Variants in NCOA2 observed in about 807,000 individuals in gnomAD.
The protein encoded by NCOA2 is nuclear receptor coactivator 2.
In NCOA2, 21 loss-of-function variants were observed where a neutral mutation model predicts 145.1. The observed-to-expected ratio is 0.14, with a 90% CI of 0.10 to 0.21. The LOEUF is 0.21. NCOA2 is among the 10% of genes least tolerant of loss of function. The probability of loss-of-function intolerance (pLI) is 1.00; values close to 1 mark genes in which losing one functional copy is unlikely to be tolerated. For missense variants in NCOA2, 1,472 were observed against 1,837.6 expected (o/e 0.80, Z 3.64); for synonymous variants, 619 against 637.5 (o/e 0.97, Z 0.44).
intron 7 of NCOA2, among the ~76,000 whole-genome samples, chr8:70,165,029 T>C (rs1040634196): frequency 6.6e-6 from 1 of 152,230 alleles, no homozygotes; most frequent in African/African-American, 2.4e-5. Context: ...GCTTATGCTA[T>C]ACTGTGTTAA....
intron 10 of NCOA2, 93 bp downstream of exon 10, chr8:70,159,412 A>C (rs1812707618): frequency 1.7e-6 from 2 of 1,186,218 alleles, no homozygotes; most frequent in Non-Finnish European, 2.3e-6. Flanking sequence ...AGAAATGTCT[A>C]ACAAATCCTC....
intron 1 of NCOA2, among the ~76,000 whole-genome samples, chr8:70,330,651 A>C (rs1264491052): frequency 6.6e-6 from 1 of 152,138 alleles, no homozygotes; most frequent in East Asian, 1.9e-4. Context: ...TCATAGAAAA[A>C]AATCAGATAC....
At chr8:70,322,303 G>T (rs1806149029) in intron 1 of NCOA2, among the ~76,000 whole-genome samples, 2 of 152,106 alleles carry the variant, frequency 1.3e-5, no homozygotes, top group Admixed American at 1.3e-4. Context: ...CGAGAGCTCT[G>T]TCAAGACTTA....
the NCOA2 span, among the ~76,000 whole-genome samples, chr8:70,441,816 G>GAAAGAAAGAA: frequency 3.9e-3 from 461 of 116,772 alleles, 2 homozygotes; most frequent in African/African-American, 0.014. Flanking sequence ...AAGAAAGAAA[G>GAAAGAAAGAA]AAGAAAGAAG....
intron 1 of NCOA2, among the ~76,000 whole-genome samples, chr8:70,398,912 G>C (rs929044199): frequency 6.6e-6 from 1 of 152,206 alleles, no homozygotes; most frequent in Non-Finnish European, 1.5e-5. Context: ...TGCCCTAAAA[G>C]CTAACAGTAT....
In NCOA2 at chr8:70,159,242, ATTTT is replaced by A. The variant is rs763150293; in HGVS notation, c.1124+259_1124+262del. Among the ~76,000 whole-genome samples the A allele has an allele frequency of 3.3e-4, 20 of 61,078 alleles. 2 individuals carry two copies. The highest frequency in any genetic ancestry group is 2.2e-3 in the South Asian group (6 of 2,756). 40.1% of individuals were successfully genotyped at this position (61,078 alleles called of 152,430 possible). Reference sequence around the variant, plus strand: ...TAACATTATATATATATATATATATATTTTTTTTTTTTTCCCCCAAATATTTTCC... The same window carrying A: ...TAACATTATATATATATATATATATATTTTTTTTTCCCCCAAATATTTTCC... On this transcript the variant is annotated intron_variant, in intron 10 of 22. Transcript: ENST00000452400.
intron 2 of NCOA2, among the ~76,000 whole-genome samples, chr8:70,231,561 A>C (rs1183392741): frequency 6.6e-6 from 1 of 152,228 alleles, no homozygotes; most frequent in East Asian, 1.9e-4. Context: ...AGACCCTAGG[A>C]GATCAGCTGA....
intron 22 of NCOA2, among the ~76,000 whole-genome samples, chr8:70,117,158 C>T (rs1807239270): frequency 1.3e-5 from 2 of 152,276 alleles, no homozygotes; most frequent in South Asian, 4.1e-4. Context: ...ACCCCTGGTC[C>T]TGCCAGCCTG....
At chr8:70,419,998 GTA>G in the NCOA2 span, among the ~76,000 whole-genome samples, 1 of 152,278 alleles carries the variant, frequency 6.6e-6, no homozygotes, top group Admixed American at 6.5e-5. Context: ...TCTGGCAAGC[GTA>G]TATGTCACTT....
intron 1 of NCOA2, among the ~76,000 whole-genome samples, chr8:70,321,564 G>A (rs1806067801): frequency 6.6e-6 from 1 of 151,898 alleles, no homozygotes; most frequent in African/African-American, 2.4e-5. Context: ...TTATCCAAAG[G>A]AGATTTCAGT....
intron 2 of NCOA2, among the ~76,000 whole-genome samples, chr8:70,231,836 A>G (rs1404665078): frequency 6.6e-6 from 1 of 152,108 alleles, no homozygotes; most frequent in Non-Finnish European, 1.5e-5. Context: ...AGTACCATAG[A>G]ACGCCTCTAT....
At chr8:70,356,960 A>T (rs1809755492) in intron 1 of NCOA2, among the ~76,000 whole-genome samples, 1 of 152,132 alleles carries the variant, frequency 6.6e-6, no homozygotes, top group Admixed American at 6.5e-5. Context: ...GTTTCCTGTT[A>T]GAGTTATTAT....
Position 70,296,961 on chromosome 8 carries a change from G to A in NCOA2, c.-76-161C>T, listed in dbSNP as rs375752662. Among the ~76,000 whole-genome samples, 41 of 152,304 alleles carry A rather than the reference G, an allele frequency of 2.7e-4. No homozygotes were observed. In the East Asian group the frequency reaches 6.8e-3, roughly 25 times the overall value. ...AATAACATCTCTTATTAAATCGCAT[G>A]GTAAATCAAGAAGTAGACTTGCTGC... On this transcript the variant is annotated intron_variant, in intron 1 of 22. Transcript: ENST00000452400.
At chr8:70,372,179 C>T (rs958723167) in intron 1 of NCOA2, among the ~76,000 whole-genome samples, 1 of 152,024 alleles carries the variant, frequency 6.6e-6, no homozygotes, top group Non-Finnish European at 1.5e-5. Context: ...ACCCTACAGA[C>T]AAAAACCAAA....
the NCOA2 span, among the ~76,000 whole-genome samples, chr8:70,422,513 C>G: frequency 6.6e-6 from 1 of 151,822 alleles, no homozygotes; most frequent in Non-Finnish European, 1.5e-5. Flanking sequence ...CAGGGTCGAG[C>G]GATCCTCCCA....
At position 70,304,857 on chromosome 8, in the gene NCOA2, T is replaced by G. The variant is rs763337744; in HGVS notation, c.-76-8057A>C. Among the ~76,000 whole-genome samples the G allele has an allele frequency of 3.1e-5, 3 of 97,068 alleles. No homozygotes were observed. In the East Asian group the frequency reaches 1.8e-3, roughly 60 times the overall value. The allele number at this position is 97,068 out of a possible 152,430, so 63.7% of individuals were successfully genotyped here. A position where few individuals can be genotyped will look rare whatever the true frequency, so the allele number is the denominator to read the frequency against. ...AGAAAGTGGACCAGAAGTAACTAGC[T>G]TTTTTTTTTTTTTTTTTGAGACAGG... is the stretch of plus-strand genomic sequence containing the variant. On this transcript the variant is annotated intron_variant, in intron 1 of 22. Transcript: ENST00000452400.
chr8:70,440,410 C>G, the NCOA2 span, among the ~76,000 whole-genome samples: 1 of 152,144 alleles, frequency 6.6e-6, no homozygotes, highest in African/African-American at 2.4e-5. Flanking sequence ...CCGTCTCTAA[C>G]AAAAAATACA....
At chr8:70,400,740 A>G (rs1814156868) in intron 1 of NCOA2, among the ~76,000 whole-genome samples, 1 of 152,198 alleles carries the variant, frequency 6.6e-6, no homozygotes, top group African/African-American at 2.4e-5. Context: ...AATGATCCTG[A>G]ATTGGGAATT....
Position 70,128,761 on chromosome 8 carries a change from C to G in NCOA2, c.3544G>C (p.Val1182Leu). ...PRPGLRPTGL[V>L]QNQPNQLRLQ... Reference sequence around the variant, plus strand: ...CTTAGTTGATTTGGCTGGTTCTGCACTAGGCCCGTGGGCCTGAGGCCCGGT... The same window carrying G: ...CTTAGTTGATTTGGCTGGTTCTGCAGTAGGCCCGTGGGCCTGAGGCCCGGT... Residue 1182 changes from valine to leucine, a missense_variant, in exon 17 of 23, where the codon GTG (valine) becomes CTG (leucine). By Grantham distance (32) the Val-to-Leu change is conservative. Around this residue, in one of 4 missense-constraint regions of NCOA2, gnomAD observed 953 missense variants for 1,062.1 expected, o/e 0.90. Transcript: ENST00000452400. The G allele has an allele frequency of 6.2e-7, 1 of 1,614,072 alleles. No individual in the cohort carries two copies. The highest frequency in any genetic ancestry group is 8.5e-7 in the Non-Finnish European group (1 of 1,179,906).
Sources: allele counts gnomAD v4.1 joint callset (sites outside exome capture counted in the v4.1 genomes callset), GRCh38; gene constraint gnomAD v4.1.1; regional missense constraint gnomAD v4.1.1; transcripts MANE v1.5; gene names NCBI Gene and HGNC (gene_info 2026-07-23, HGNC 2026-07-21).